The following RBFOX1 variants were observed in gnomAD, a reference collection of about 807,000 sequenced individuals.
The protein encoded by RBFOX1 is RNA binding fox-1 homolog 1, also known as RNA binding protein fox-1 homolog 1.
In RBFOX1, 8 loss-of-function variants were observed where a neutral mutation model predicts 57.7. The ratio of observed to expected loss-of-function variants is 0.14; its 90% CI spans 0.08 to 0.25. The LOEUF is 0.25. RBFOX1 is among the 10% of genes least tolerant of loss of function. The probability of loss-of-function intolerance (pLI) is 1.00; values close to 1 mark genes in which losing one functional copy is unlikely to be tolerated. For synonymous variants in RBFOX1, 326 were observed against 222.4 expected, an observed-to-expected ratio of 1.47 and a Z score of -4.15; for missense variants, 611 against 548.5, an observed-to-expected ratio of 1.11 and a Z score of -1.14.
intron 3 of RBFOX1, among the ~76,000 whole-genome samples, chr16:6,950,882 T>A (rs1196713440): frequency 6.7e-6 from 1 of 150,360 alleles, no homozygotes; most frequent in Non-Finnish European, 1.5e-5. Context: ...TTTCTCTCTT[T>A]CTGTTTCTTT....
chr16:6,907,582 C>G (rs781219145), intron 3 of RBFOX1, among the ~76,000 whole-genome samples: 18 of 151,982 alleles, frequency 1.2e-4, no homozygotes, highest in Non-Finnish European at 2.5e-4. Flanking sequence ...TTGTTTGTTT[C>G]TGTTTTTGAT....
chr16:5,347,653 T>A, intron 1 of RBFOX1, among the ~76,000 whole-genome samples: 1 of 120,312 alleles, frequency 8.3e-6, no homozygotes, highest in African/African-American at 3.2e-5. Flanking sequence ...TCTACCCATC[T>A]ACCCATCCAC....
chr16:5,747,894 A>G (rs553981823), intron 3 of RBFOX1, among the ~76,000 whole-genome samples: 1 of 151,818 alleles, frequency 6.6e-6, no homozygotes, highest in African/African-American at 2.4e-5. Flanking sequence ...CTCTGATCTT[A>G]GTTATTTCTT....
intron 13 of RBFOX1, among the ~76,000 whole-genome samples, chr16:7,672,045 G>A (rs1043246182): frequency 6.6e-6 from 1 of 152,144 alleles, no homozygotes; most frequent in Non-Finnish European, 1.5e-5. Context: ...ACCGGAATGG[G>A]GTTAAATCAA....
At chr16:7,046,556 T>C (rs1014876904) in intron 3 of RBFOX1, among the ~76,000 whole-genome samples, 6 of 145,756 alleles carry the variant, frequency 4.1e-5, no homozygotes, top group Non-Finnish European at 7.4e-5. Context: ...GATAATAAAG[T>C]TTATCACCAC....
chr16:6,048,631 C>A (rs774976588), intron 1 of RBFOX1, among the ~76,000 whole-genome samples: 2 of 152,088 alleles, frequency 1.3e-5, no homozygotes, highest in African/African-American at 4.8e-5. Context: ...CCAGCAAACC[C>A]TTAAAATTTA....
intron 1 of RBFOX1, among the ~76,000 whole-genome samples, chr16:5,445,811 A>G (rs1311129563): frequency 1.3e-5 from 2 of 152,214 alleles, no homozygotes; most frequent in South Asian, 2.1e-4. Context: ...GACCCATACT[A>G]TATGCTAAAT....
chr16:6,070,237 G>C (rs748908474), intron 1 of RBFOX1, among the ~76,000 whole-genome samples: 2 of 152,188 alleles, frequency 1.3e-5, no homozygotes, highest in African/African-American at 4.8e-5. Context: ...TAAATATTCT[G>C]TATGTGGCTC....
intron 3 of RBFOX1, among the ~76,000 whole-genome samples, chr16:6,878,718 C>G (rs1481958587): frequency 6.6e-6 from 1 of 152,084 alleles, no homozygotes; most frequent in African/African-American, 2.4e-5. Flanking sequence ...TCAGCAAGGG[C>G]AAGAAATGGA....
intron 1 of RBFOX1, among the ~76,000 whole-genome samples, chr16:6,087,987 GTGTT>G (rs1053220097): frequency 2.1e-4 from 32 of 152,064 alleles, no homozygotes; most frequent in African/African-American, 7.7e-4. Flanking sequence ...CTGCGTGTGT[GTGTT>G]TGTGTGTGTG....
intron 4 of RBFOX1, among the ~76,000 whole-genome samples, chr16:5,878,412 C>T (rs903656017): frequency 5.3e-5 from 8 of 152,218 alleles, no homozygotes; most frequent in Middle Eastern, 3.4e-3. Context: ...AACCAAGGCT[C>T]AGAAGAGTTT....
intron 4 of RBFOX1, among the ~76,000 whole-genome samples, chr16:7,414,981 G>A (rs2098464786): frequency 6.6e-6 from 1 of 152,178 alleles, no homozygotes. Context: ...CATTACAGAT[G>A]AGGGGAGTTG....
At chr16:5,593,635 A>G (rs2047083891) in intron 2 of RBFOX1, among the ~76,000 whole-genome samples, 1 of 152,194 alleles carries the variant, frequency 6.6e-6, no homozygotes, top group South Asian at 2.1e-4. Context: ...TACAAATGCC[A>G]TGGCGATGTC....
intron 2 of RBFOX1, among the ~76,000 whole-genome samples, chr16:6,366,451 C>T (rs560656205): frequency 6.6e-6 from 1 of 152,044 alleles, no homozygotes; most frequent in Non-Finnish European, 1.5e-5. Context: ...AGATATGAGA[C>T]AATGTTGAAC....
At chr16:7,313,223 A>G (rs4786995) in intron 4 of RBFOX1, among the ~76,000 whole-genome samples, 119,714 of 152,020 alleles carry the variant, frequency 0.79, 47,251 homozygotes, top group East Asian at 0.94. Flanking sequence ...TCCCTCAACC[A>G]AATAATCTGT....
At chr16:6,995,460 G>C (rs375209065) in intron 3 of RBFOX1, among the ~76,000 whole-genome samples, 9 of 152,162 alleles carry the variant, frequency 5.9e-5, no homozygotes, top group African/African-American at 2.2e-4. Context: ...CTTGCTGGTG[G>C]TGACAGAAGA....
At position 7,124,190 on chromosome 16, in the gene RBFOX1, T is replaced by G. The variant is rs1321974183; in HGVS notation, c.27+72092T>G. On this transcript the variant is annotated intron_variant, in intron 4 of 15. Transcript: ENST00000550418. ...GGCTCACATCTGTAATGACAGCACT[T>G]CGGGAGGCCAAGGCAGGAGGACTGC... Among the ~76,000 whole-genome samples the G allele has an allele frequency of 2.0e-5, 3 of 152,264 alleles. No homozygotes were observed. In the East Asian group the frequency reaches 5.8e-4, roughly 29 times the overall value.
chr16:5,421,720 T>C (rs182689851), intron 1 of RBFOX1, among the ~76,000 whole-genome samples: 1 of 152,322 alleles, frequency 6.6e-6, no homozygotes, highest in East Asian at 1.9e-4. Context: ...CTGAAGTCAG[T>C]AGCTGAATAA....
At position 6,858,796 on chromosome 16, in the gene RBFOX1, G is replaced by A. The variant is rs1049293733; in HGVS notation, c.-15-193261G>A. ...AAAGTTTTAGAAAACCCAGAAATTA[G>A]AGCAGTGGCATTCGCCTCTGCTGGT... On this transcript the variant is annotated intron_variant, in intron 3 of 15. Coordinates refer to ENST00000550418, the MANE Select transcript of RBFOX1 (RefSeq NM_018723.4). 3.3e-5 allele frequency among the ~76,000 whole-genome samples: 5 copies of A among 152,006 alleles called. 1 individual carries two copies. Among genetic ancestry groups the A allele is most frequent in the East Asian group, 3.9e-4 (2 of 5,164 alleles).
Sources: allele counts gnomAD v4.1 joint callset (sites outside exome capture counted in the v4.1 genomes callset), GRCh38; gene constraint gnomAD v4.1.1; transcripts MANE v1.5; gene names NCBI Gene and HGNC (gene_info 2026-07-23, HGNC 2026-07-21).